TENM3: variants seen among roughly 807,000 people sequenced by gnomAD.
TENM3 encodes teneurin-3.
In TENM3, 63 loss-of-function variants were observed where a neutral mutation model predicts 255.1. The observed-to-expected ratio is 0.25, with a 90% confidence interval of 0.20 to 0.30. The LOEUF is 0.30. Ranked by LOEUF, TENM3 falls within the 10% of genes least tolerant of loss-of-function variation. TENM3 has a pLI of 1.00. For missense variants in TENM3, 2,929 were observed against 3,461.1 expected (o/e 0.85, Z 3.86); for synonymous variants, 1,306 against 1,322.3 (o/e 0.99, Z 0.27).
the TENM3 span, among the ~76,000 whole-genome samples, chr4:181,759,041 A>T: frequency 6.6e-6 from 1 of 152,142 alleles, no homozygotes; most frequent in Non-Finnish European, 1.5e-5. Context: ...GTAGCTCTTA[A>T]CTATTCATAA....
intron 3 of TENM3, among the ~76,000 whole-genome samples, chr4:182,542,677 T>G (rs1580880453): frequency 6.6e-6 from 1 of 152,306 alleles, no homozygotes; most frequent in East Asian, 1.9e-4. Flanking sequence ...GTGTACTCTT[T>G]CATGATGAAG....
rs1172500415 is a variant in TENM3 at position 182,731,002 on chromosome 4, A to G, written c.2830A>G (p.Met944Val). The G allele has an allele frequency of 1.1e-5, 18 of 1,613,842 alleles. No homozygotes were observed. Among genetic ancestry groups the G allele is most frequent in the Admixed American group, 1.7e-5 (1 of 60,006 alleles). The change falls in exon 16 of 28, where the codon ATG becomes GTG. Residue 944 changes from methionine (M) to valine (V), a missense_variant. This residue lies in a region of TENM3 where 1,608 missense variants were observed against 1,884.4 expected (regional missense o/e 0.85). Transcript: ENST00000511685. ...CTTTTATGTGATGGATACCCTAGTC[A>G]TGAAGAAAGAAGAGAATGACATTCC... ...NVFYVMDTLVMKKEENDIPSC... is the reference protein window; with the variant it reads ...NVFYVMDTLVVKKEENDIPSC...
chr4:182,161,791 A>ATGTATATATATACACATATATATG (rs1561153417), intron 1 of TENM3, among the ~76,000 whole-genome samples: 940 of 34,272 alleles, frequency 0.027, 343 homozygotes, highest in East Asian at 0.11. Flanking sequence ...ACACAAATAT[A>ATGTATATATATACACATATATATG]TGTATATATA....
chr4:181,996,159 TA>T, the TENM3 span, among the ~76,000 whole-genome samples: 22,788 of 138,950 alleles, frequency 0.16, 1,945 homozygotes, highest in South Asian at 0.21. Flanking sequence ...TCGCTACGGT[TA>T]AAAAAAAAAA....
the TENM3 span, among the ~76,000 whole-genome samples, chr4:182,076,507 C>T: frequency 6.6e-6 from 1 of 152,140 alleles, no homozygotes; most frequent in East Asian, 1.9e-4. Flanking sequence ...CAGCCTCTTT[C>T]TCCTTCTTTA....
the TENM3 span, among the ~76,000 whole-genome samples, chr4:182,110,938 G>A: frequency 6.6e-6 from 1 of 152,158 alleles, no homozygotes; most frequent in Non-Finnish European, 1.5e-5. Flanking sequence ...ATGATGTTGT[G>A]AAAATCTACA....
the TENM3 span, among the ~76,000 whole-genome samples, chr4:181,666,528 T>C: frequency 4.6e-5 from 7 of 152,100 alleles, no homozygotes; most frequent in Admixed American, 3.3e-4. Flanking sequence ...AATGAACATA[T>C]ATTACTGAGT....
chr4:182,198,010 C>A (rs1320045925), intron 1 of TENM3, among the ~76,000 whole-genome samples: 1 of 152,184 alleles, frequency 6.6e-6, no homozygotes, highest in African/African-American at 2.4e-5. Context: ...GAGGCTGACA[C>A]AGGAGAATCG....
At chr4:181,591,545 C>A in the TENM3 span, among the ~76,000 whole-genome samples, 1 of 152,094 alleles carries the variant, frequency 6.6e-6, no homozygotes, top group South Asian at 2.1e-4. Flanking sequence ...TCTCCAACAC[C>A]CAAGCTATGG....
chr4:182,143,435 T>C (rs1367355571), upstream of TENM3: 1 of 166,888 alleles, frequency 6.0e-6, no homozygotes, highest in Non-Finnish European at 1.5e-5. The surrounding 1 kb of genome is among the most constrained non-coding windows in gnomAD (Gnocchi z 4.3). Context: ...ACGGGCCGCC[T>C]ACCGGGGGTG....
chr4:181,889,576 G>A, the TENM3 span, among the ~76,000 whole-genome samples: 7 of 152,286 alleles, frequency 4.6e-5, no homozygotes, highest in East Asian at 1.9e-4. Context: ...CGTGGTAGTC[G>A]TGGTAGAGAA....
chr4:181,798,879 C>G, the TENM3 span, among the ~76,000 whole-genome samples: 1 of 152,142 alleles, frequency 6.6e-6, no homozygotes, highest in African/African-American at 2.4e-5. Context: ...ACAAATGTAA[C>G]AGTGTGAGCC....
the TENM3 span, among the ~76,000 whole-genome samples, chr4:181,529,548 A>G: frequency 2.0e-4 from 30 of 152,306 alleles, no homozygotes; most frequent in African/African-American, 6.0e-4. Flanking sequence ...GATAACTACA[A>G]TCACGTGGGG....
intron 4 of TENM3, among the ~76,000 whole-genome samples, chr4:182,618,583 C>A (rs1443300619): frequency 6.7e-6 from 1 of 150,338 alleles, no homozygotes; most frequent in Non-Finnish European, 1.5e-5. Flanking sequence ...AAGTGAACAG[C>A]TACTAAGGAA....
chr4:182,176,039 G>A (rs766325604), intron 1 of TENM3, among the ~76,000 whole-genome samples: 28 of 152,270 alleles, frequency 1.8e-4, no homozygotes, highest in Admixed American at 3.3e-4. Flanking sequence ...AATGTTTTTA[G>A]TTATCGTTTA....
chr4:181,461,394 T>C, the TENM3 span, among the ~76,000 whole-genome samples: 5 of 152,166 alleles, frequency 3.3e-5, no homozygotes, highest in African/African-American at 1.2e-4. Flanking sequence ...TTGATTGGGT[T>C]AATTTGATGT....
intron 12 of TENM3, 98 bp from the exon 13 acceptor site, chr4:182,713,989 A>G (rs965997264): frequency 1.1e-6 from 1 of 933,846 alleles, no homozygotes; most frequent in African/African-American, 1.6e-5. Context: ...TGTGCTGTTT[A>G]TAAAGGCCTG....
chr4:182,170,564 A>C (rs1296827667), intron 1 of TENM3, among the ~76,000 whole-genome samples: 1 of 152,130 alleles, frequency 6.6e-6, no homozygotes, highest in Non-Finnish European at 1.5e-5. Context: ...CCTGTGTTAA[A>C]TTGAAAGCCT....
chr4:181,505,441 G>C, the TENM3 span, among the ~76,000 whole-genome samples: 2 of 152,166 alleles, frequency 1.3e-5, no homozygotes, highest in South Asian at 2.1e-4. Context: ...TTGAACAACT[G>C]TTGAGAACCT....
Sources: gnomAD v4.1 joint callset for allele counts (sites outside exome capture counted in the v4.1 genomes callset) on GRCh38, gnomAD v4.1.1 for gene constraint, gnomAD v4.1.1 regional missense constraint, Gnocchi (gnomAD v3.1) non-coding constraint, MANE v1.5 for transcripts, NCBI Gene and HGNC (gene_info 2026-07-23, HGNC 2026-07-21) for gene names.